Variants in MARCHF9 observed in about 807,000 individuals in gnomAD.
MARCHF9 encodes the protein E3 ubiquitin-protein ligase MARCHF9.
MARCHF9 carries 17 observed loss-of-function variants against 35.2 expected under a neutral mutation model. The ratio of observed to expected loss-of-function variants is 0.48; its 90% CI spans 0.33 to 0.72. MARCHF9 has a LOEUF of 0.72. Among genes scored for constraint, MARCHF9 ranks in the 30% least tolerant of loss-of-function variants. The pLI is 0.02. For missense variants in MARCHF9, 386 were observed against 478.2 expected (o/e 0.81, Z 1.80); for synonymous variants, 183 against 207.4 (o/e 0.88, Z 1.01).
chr12:57,755,735 C>T lies in MARCHF9; in HGVS notation c.207C>T (p.Ala69=), dbSNP rs967819006. 8.9e-5 allele frequency: 108 copies of T among 1,219,112 alleles called. No individual in the cohort carries two copies. The highest frequency in any genetic ancestry group is 1.1e-4 in the Non-Finnish European group (107 of 982,870). 75.5% of individuals were successfully genotyped at this position (1,219,112 alleles called of 1,614,324 possible). A position where few individuals can be genotyped will look rare whatever the true frequency, so the allele number is the denominator to read the frequency against. Residue 69 remains alanine (A), a synonymous_variant, in exon 1 of 4, where the codon GCC becomes GCT. Transcript: ENST00000266643. ...CGGAGCCGCGGGCCCGGGGCCTGGC[C>T]GGCGACAAGGAGCCGCGGGCCGGAC... ...YGSEPRARGL[A]GDKEPRAGPL...
Position 57,758,722 on chromosome 12 carries a change from C to T in MARCHF9, c.866C>T (p.Thr289Met), listed in dbSNP as rs373196172. The T allele has an allele frequency of 2.7e-5, 44 of 1,609,796 alleles. No homozygotes were observed. The highest frequency in any genetic ancestry group is 3.3e-4 in the Middle Eastern group (2 of 6,058). Residue 289 changes from threonine to methionine, a missense_variant, in exon 4 of 4, where the codon ACG (threonine) becomes ATG (methionine). Around this residue, in one of 3 missense-constraint regions of MARCHF9, gnomAD observed 111 missense variants for 112.4 expected, o/e 0.99. Coordinates refer to ENST00000266643, the MANE Select transcript of MARCHF9 (RefSeq NM_138396.6). The surrounding 1 kb of genome is among the most constrained non-coding windows in gnomAD (Gnocchi z 5.4). Reference protein sequence around the residue: ...AGKSGPRNSRTGPTSGATSRP... With the variant: ...AGKSGPRNSRMGPTSGATSRP... ...AAGTCAGGCCCCAGGAACTCACGGA[C>T]GGGCCCCACCTCTGGGGCCACGAGC... is the stretch of plus-strand genomic sequence containing the variant.
At chr12:57,756,601 A>C (rs567231909) in intron 1 of MARCHF9, among the ~76,000 whole-genome samples, 159 of 152,226 alleles carry the variant, frequency 1.0e-3, no homozygotes, top group African/African-American at 3.8e-3. Context: ...CTCCCTCCAG[A>C]TCCTAAGAGG....
chr12:57,755,315 G>GC lies in MARCHF9; in HGVS notation c.-211dup. On this transcript the variant is annotated 5_prime_UTR_variant, in exon 1 of 4. An upstream open reading frame in the 5' UTR loses its in-frame stop. Coordinates refer to ENST00000266643, the MANE Select transcript of MARCHF9 (RefSeq NM_138396.6). ...CCCGCCCCCTGCCCTGGCCATGGCC[G>GC]CCCACCCCGCCGCCCCCGGGCCGCC... 1 of 124,934 alleles carries GC rather than the reference G, an allele frequency of 8.0e-6. No individual in the cohort carries two copies. The highest frequency in any genetic ancestry group is 1.5e-5 in the Non-Finnish European group (1 of 64,744). 7.7% of individuals were successfully genotyped at this position (124,934 alleles called of 1,614,324 possible).
At position 57,756,001 on chromosome 12, in the gene MARCHF9, G is replaced by A. The variant is rs1370648322; in HGVS notation, c.357+116G>A. On this transcript the variant is annotated intron_variant, in intron 1 of 3. Transcript: ENST00000266643. ...GGCTGGGCGGGCCCCAGGACACGGA[G>A]TGGGAATGGGGTGAGGCCGAGGGGC... 12 of 711,200 alleles carry A rather than the reference G, an allele frequency of 1.7e-5. No homozygotes were observed. The Admixed American group carries it at 4.7e-4, about 28-fold the overall frequency. The allele number at this position is 711,200 out of a possible 1,614,324, so 44.1% of individuals were successfully genotyped here. A position where few individuals can be genotyped will look rare whatever the true frequency, so the allele number is the denominator to read the frequency against.
chr12:57,755,996 AC>A (rs751953057), intron 1 of MARCHF9, 111 bp downstream of exon 1: 88 of 740,564 alleles, frequency 1.2e-4, no homozygotes, highest in Non-Finnish European at 1.6e-4. Context: ...GCCCCAGGAC[AC>A]GGAGTGGGAA....
rs1287485699 is a variant in MARCHF9 at position 57,759,083 on chromosome 12, A to T, written c.*186A>T. 3 of 593,178 alleles carry T rather than the reference A, an allele frequency of 5.1e-6. No homozygotes were observed. The African/African-American group carries it at 5.6e-5, about 11-fold the overall frequency. 36.7% of individuals were successfully genotyped at this position (593,178 alleles called of 1,614,324 possible). On this transcript the variant is annotated 3_prime_UTR_variant, in exon 4 of 4. Transcript: ENST00000266643. ...CTGCCCACTGGGTAGAGACACCTGG[A>T]TGACATTTCAGTACCCGCTGGCAGC...
chr12:57,758,980 A>G lies in MARCHF9; in HGVS notation c.*83A>G. On this transcript the variant is annotated 3_prime_UTR_variant, in exon 4 of 4. Transcript: ENST00000266643. This position sits in a 1 kb window ranked among gnomAD's most constrained non-coding sequence, Gnocchi z 5.4. ...TGGCTGCTGGAGGTACCAGCTGGAC[A>G]AGGTGTTTGGGGCATGCTGCCCCCG... 7.4e-7 allele frequency: 1 copy of G among 1,347,104 alleles called. No homozygotes were observed. The highest frequency in any genetic ancestry group is 9.9e-7 in the Non-Finnish European group (1 of 1,005,538). The allele number at this position is 1,347,104 out of a possible 1,614,324, so 83.4% of individuals were successfully genotyped here. A position where few individuals can be genotyped will look rare whatever the true frequency, so the allele number is the denominator to read the frequency against.
Position 57,758,459 on chromosome 12 carries a change from C to A in MARCHF9, c.707-104C>A. ...ACCCACTTCCCTGCTTCTCCAGGGCCCTTTGCAACTGTATCTTCTCACTCT... is the reference window on the plus strand; with the variant it reads ...ACCCACTTCCCTGCTTCTCCAGGGCACTTTGCAACTGTATCTTCTCACTCT... On this transcript the variant is annotated intron_variant, in intron 3 of 3. Transcript: ENST00000266643. This position sits in a 1 kb window ranked among gnomAD's most constrained non-coding sequence, Gnocchi z 5.4. 2.9e-6 allele frequency: 4 copies of A among 1,358,588 alleles called. No homozygotes were observed. The highest frequency in any genetic ancestry group is 4.0e-6 in the Non-Finnish European group (4 of 1,005,812). 84.2% of individuals were successfully genotyped at this position (1,358,588 alleles called of 1,614,324 possible).
In MARCHF9 at chr12:57,758,691, G is replaced by T. The variant is rs1311288878; in HGVS notation, c.835G>T (p.Ala279Ser). The T allele has an allele frequency of 3.1e-6, 5 of 1,612,570 alleles. No individual in the cohort carries two copies. Among genetic ancestry groups the T allele is most frequent in the Non-Finnish European group, 4.2e-6 (5 of 1,179,356 alleles). Residue 279 changes from alanine (A) to serine (S), a missense_variant, in exon 4 of 4, where the codon GCA (alanine) becomes TCA (serine). By Grantham distance (99) the Ala-to-Ser change is moderately conservative. Transcript: ENST00000266643. The surrounding 1 kb of genome is among the most constrained non-coding windows in gnomAD (Gnocchi z 5.4). Reference sequence around the variant, plus strand: ...AGGAGGAGATGCAGGGGGAGGGACGGCAGGGAAGTCAGGCCCCAGGAACTC... The same window carrying T: ...AGGAGGAGATGCAGGGGGAGGGACGTCAGGGAAGTCAGGCCCCAGGAACTC... ...DIGGDAGGGT[A>S]GKSGPRNSRT...
chr12:57,755,906 C>A, intron 1 of MARCHF9, 21 bp downstream of exon 1: 1 of 1,452,162 alleles, frequency 6.9e-7, no homozygotes, highest in South Asian at 1.3e-5. Context: ...GGCACCTGGC[C>A]GGGCGCGGAG....
chr12:57,755,478 C>CCCCCCG lies in MARCHF9; in HGVS notation c.-50_-49insCCCCGC. ...GGCCTTGTCCTCTCCCCTCCCCCCG[C>CCCCCCG]CGCTAGCGAGCCCCCCTTGCACGCT... On this transcript the variant is annotated 5_prime_UTR_variant, in exon 1 of 4. Coordinates refer to ENST00000266643, the MANE Select transcript of MARCHF9 (RefSeq NM_138396.6). 1 of 686,056 alleles carries CCCCCCG rather than the reference C, an allele frequency of 1.5e-6. No homozygotes were observed. Among genetic ancestry groups the CCCCCCG allele is most frequent in the South Asian group, 3.6e-5 (1 of 27,526 alleles). 42.5% of individuals were successfully genotyped at this position (686,056 alleles called of 1,614,324 possible).
chr12:57,757,793 C>T (rs974007420), intron 2 of MARCHF9: 2 of 597,350 alleles, frequency 3.3e-6, no homozygotes, highest in East Asian at 2.8e-5. Flanking sequence ...CTTTTACAAA[C>T]GAGGACACTG....
chr12:57,759,044 A>G lies in MARCHF9; in HGVS notation c.*147A>G, dbSNP rs1955304446. The G allele has an allele frequency of 2.5e-6, 2 of 809,882 alleles. No individual in the cohort carries two copies. Among genetic ancestry groups the G allele is most frequent in the South Asian group, 1.9e-5 (1 of 51,284 alleles). The allele number at this position is 809,882 out of a possible 1,614,324, so 50.2% of individuals were successfully genotyped here. A position where few individuals can be genotyped will look rare whatever the true frequency, so the allele number is the denominator to read the frequency against. ...GTGTGGGTAGCCTCAAGCTGGAGAC[A>G]TTGTCTGGCCTCACTGCCCACTGGG... On this transcript the variant is annotated 3_prime_UTR_variant, in exon 4 of 4. Coordinates refer to ENST00000266643, the MANE Select transcript of MARCHF9 (RefSeq NM_138396.6).
At position 57,758,506 on chromosome 12, in the gene MARCHF9, C is replaced by A; in HGVS notation, c.707-57C>A. On this transcript the variant is annotated intron_variant, in intron 3 of 3. Transcript: ENST00000266643. This position sits in a 1 kb window ranked among gnomAD's most constrained non-coding sequence, Gnocchi z 5.4. ...CTCTGAAGAAATGCTTGCTTAAGTA[C>A]CTCTGGCCTAGATCTAGGCCACAGT... The A allele has an allele frequency of 6.7e-7, 1 of 1,498,954 alleles. No individual in the cohort carries two copies. Among genetic ancestry groups the A allele is most frequent in the Admixed American group, 2.2e-5 (1 of 46,288 alleles). The allele number at this position is 1,498,954 out of a possible 1,614,324, so 92.9% of individuals were successfully genotyped here.
At chr12:57,756,247 G>A (rs1416974073) in intron 1 of MARCHF9, among the ~76,000 whole-genome samples, 1 of 152,224 alleles carries the variant, frequency 6.6e-6, no homozygotes, top group Non-Finnish European at 1.5e-5. Flanking sequence ...CTTGAAGGGA[G>A]GGGCCCAGCC....
rs1955303351 is a variant in MARCHF9, at chr12:57,758,857, A to G, written c.1001A>G (p.His334Arg). Residue 334 changes from histidine to arginine, a missense_variant, in exon 4 of 4, where the codon CAT becomes CGT. His to Arg is a conservative substitution (Grantham distance 29). Around this residue, in one of 3 missense-constraint regions of MARCHF9, gnomAD observed 111 missense variants for 112.4 expected, o/e 0.99. Coordinates refer to ENST00000266643, the MANE Select transcript of MARCHF9 (RefSeq NM_138396.6). This position sits in a 1 kb window ranked among gnomAD's most constrained non-coding sequence, Gnocchi z 5.4. ...LRPPDARSSSHSGREVVMRVT... is the reference protein window; with the variant it reads ...LRPPDARSSSRSGREVVMRVT... ...CCACCAGATGCCCGTTCCAGCTCCCATTCTGGCCGAGAGGTTGTCATGAGG... is the reference window on the plus strand; with the variant it reads ...CCACCAGATGCCCGTTCCAGCTCCCGTTCTGGCCGAGAGGTTGTCATGAGG... 2 of 1,607,856 alleles carry G rather than the reference A, an allele frequency of 1.2e-6. No individual in the cohort carries two copies. Among genetic ancestry groups the G allele is most frequent in the African/African-American group, 2.7e-5 (2 of 74,822 alleles).
Position 57,755,544 on chromosome 12 carries a change from C to G in MARCHF9, c.16C>G (p.Leu6Val). The part of the protein sequence containing the change: MLKSR[L>V]RMFLNELKLL... ...TGTCCGGACGATGCTCAAGTCTCGG[C>G]TCCGCATGTTTCTGAACGAGCTGAA... The change falls in exon 1 of 4, where the codon CTC (leucine) becomes GTC (valine). Residue 6 changes from leucine to valine, a missense_variant. By Grantham distance (32) the Leu-to-Val change is conservative. This residue lies in a region of MARCHF9 where 56 missense variants were observed against 49.6 expected (regional missense o/e 1.13). Transcript: ENST00000266643. The G allele has an allele frequency of 1.6e-6, 2 of 1,212,130 alleles. No homozygotes were observed. Among genetic ancestry groups the G allele is most frequent in the Non-Finnish European group, 2.1e-6 (2 of 955,736 alleles). The allele number at this position is 1,212,130 out of a possible 1,614,324, so 75.1% of individuals were successfully genotyped here. A position where few individuals can be genotyped will look rare whatever the true frequency, so the allele number is the denominator to read the frequency against.
In MARCHF9 at chr12:57,759,009, C is replaced by G; in HGVS notation, c.*112C>G. On this transcript the variant is annotated 3_prime_UTR_variant, in exon 4 of 4. Transcript: ENST00000266643. ...TGTTTGGGGCATGCTGCCCCCGTCA[C>G]CGAGGATCTGTGTGGGTAGCCTCAA... The G allele has an allele frequency of 9.2e-7, 1 of 1,091,970 alleles. No individual in the cohort carries two copies. The highest frequency in any genetic ancestry group is 1.3e-6 in the Non-Finnish European group (1 of 785,736). The allele number at this position is 1,091,970 out of a possible 1,614,324, so 67.6% of individuals were successfully genotyped here.
chr12:57,757,345 GAAAA>G, intron 2 of MARCHF9: 1 of 313,492 alleles, frequency 3.2e-6, no homozygotes, highest in Admixed American at 5.0e-5. Flanking sequence ...CAAAAAAAAA[GAAAA>G]AAGAAAGAAA....
Sources: gnomAD v4.1 joint callset for allele counts (sites outside exome capture counted in the v4.1 genomes callset) on GRCh38, gnomAD v4.1.1 for gene constraint, gnomAD v4.1.1 regional missense constraint, Gnocchi (gnomAD v3.1) non-coding constraint, MANE v1.5 for transcripts, NCBI Gene and HGNC (gene_info 2026-07-23, HGNC 2026-07-21) for gene names.